TMEM233: variants seen among roughly 807,000 people sequenced by gnomAD.
The protein encoded by TMEM233 is dispanin subfamily B member 2.
TMEM233 carries 6 observed loss-of-function variants against 11.2 expected under a neutral mutation model. That is an observed-to-expected ratio of 0.54 (90% CI 0.29 to 1.06). The LOEUF is 1.06. Ranked by LOEUF, TMEM233 falls within the 50% of genes least tolerant of loss-of-function variation. The pLI, the probability that TMEM233 is intolerant of heterozygous loss-of-function variation, is 0.08. For synonymous variants in TMEM233, 59 were observed against 55.8 expected (o/e 1.06, Z -0.26); for missense variants, 127 against 144.7 (o/e 0.88, Z 0.63).
At position 119,594,936 on chromosome 12, in the gene TMEM233, G is replaced by A. The variant is rs1393744909; in HGVS notation, c.186+902G>A. 6.6e-5 allele frequency among the ~76,000 whole-genome samples: 10 copies of A among 152,134 alleles called. No individual in the cohort carries two copies. The highest frequency in any genetic ancestry group is 2.4e-4 in the African/African-American group (10 of 41,442). On this transcript the variant is annotated intron_variant, in intron 1 of 2. Coordinates refer to ENST00000426426, the MANE Select transcript of TMEM233 (RefSeq NM_001136534.3). The surrounding 1 kb of genome is among the most constrained non-coding windows in gnomAD (Gnocchi z 5.6). ...CTCCCAGGCGCCCCTCCACCGCTCT[G>A]TCCTGCGCCCGGGGCTCTCCCGGGA... is the stretch of plus-strand genomic sequence containing the variant.
intron 1 of TMEM233, among the ~76,000 whole-genome samples, chr12:119,612,831 G>C (rs1954431034): frequency 6.6e-6 from 1 of 151,780 alleles, no homozygotes; most frequent in Admixed American, 6.6e-5. Context: ...GAGGTGGGAG[G>C]ATCACTAGAG....
chr12:119,626,763 C>T (rs1005661941), intron 1 of TMEM233, among the ~76,000 whole-genome samples: 2 of 152,148 alleles, frequency 1.3e-5, no homozygotes, highest in African/African-American at 4.8e-5. Flanking sequence ...CTCTTCTTTG[C>T]CTGGCAGTGT....
intron 1 of TMEM233, among the ~76,000 whole-genome samples, chr12:119,603,877 T>C (rs1954215374): frequency 6.6e-6 from 1 of 152,242 alleles, no homozygotes; most frequent in Admixed American, 6.5e-5. Context: ...GAGGGTTTGC[T>C]TCCCTTCCCC....
Position 119,601,929 on chromosome 12 carries a change from G to A in TMEM233, c.186+7895G>A, listed in dbSNP as rs34835253. Among the ~76,000 whole-genome samples the A allele has an allele frequency of 1.7e-3, 256 of 152,278 alleles. 1 individual carries two copies. Among genetic ancestry groups the A allele is most frequent in the Middle Eastern group, 3.4e-3 (1 of 294 alleles). ...GGATTCAACATAGAAAAGAGACAGA[G>A]AAATGCTCCTGAAAACAAGGCAACC... On this transcript the variant is annotated intron_variant, in intron 1 of 2. Transcript: ENST00000426426.
At chr12:119,634,477 G>A (rs1384199935) in intron 2 of TMEM233, among the ~76,000 whole-genome samples, 2 of 152,028 alleles carry the variant, frequency 1.3e-5, no homozygotes, top group African/African-American at 4.8e-5. Context: ...GCTGGGTTTG[G>A]TGGCGCATAC....
At position 119,594,432 on chromosome 12, in the gene TMEM233, C is replaced by T. The variant is rs962357140; in HGVS notation, c.186+398C>T. The T allele has an allele frequency of 5.2e-6, 1 of 190,908 alleles. No individual in the cohort carries two copies. Among genetic ancestry groups the T allele is most frequent in the Non-Finnish European group, 1.1e-5 (1 of 92,284 alleles). 11.8% of individuals were successfully genotyped at this position (190,908 alleles called of 1,614,324 possible). On this transcript the variant is annotated intron_variant, in intron 1 of 2. Coordinates refer to ENST00000426426, the MANE Select transcript of TMEM233 (RefSeq NM_001136534.3). The surrounding 1 kb of genome is among the most constrained non-coding windows in gnomAD (Gnocchi z 5.6). ...CCCCAGTGCGCGCCACCCTAGCGAG[C>T]GCAGTAAGCTCATACCCCGAGCATG... is the stretch of plus-strand genomic sequence containing the variant.
At chr12:119,645,855 C>T (rs767063229), downstream of TMEM233, among the ~76,000 whole-genome samples, 37 of 152,044 alleles carry the variant, frequency 2.4e-4, no homozygotes, top group African/African-American at 8.7e-4. Context: ...CCCCAGGTCA[C>T]GTGGAATCCC....
At chr12:119,630,540 G>C (rs957109836) in intron 2 of TMEM233, among the ~76,000 whole-genome samples, 3 of 152,246 alleles carry the variant, frequency 2.0e-5, no homozygotes, top group Non-Finnish European at 4.4e-5. Context: ...ATATAGAAAT[G>C]AACAGGCGTG....
At chr12:119,627,166 A>G (rs1342673785) in intron 1 of TMEM233, among the ~76,000 whole-genome samples, 1 of 152,222 alleles carries the variant, frequency 6.6e-6, no homozygotes. Context: ...ATGGAGATGA[A>G]AAATTCAGCC....
chr12:119,648,453 C>G, the TMEM233 span, among the ~76,000 whole-genome samples: 1 of 152,210 alleles, frequency 6.6e-6, no homozygotes, highest in Non-Finnish European at 1.5e-5. Flanking sequence ...CTAATGTCCA[C>G]TCCTTTATCT....
chr12:119,636,021 G>C (rs1220017347), intron 2 of TMEM233, among the ~76,000 whole-genome samples: 2 of 152,122 alleles, frequency 1.3e-5, no homozygotes, highest in Non-Finnish European at 2.9e-5. Context: ...TCATTACATA[G>C]GCATGACCAA....
intron 2 of TMEM233, among the ~76,000 whole-genome samples, chr12:119,640,342 G>A (rs1345660824): frequency 1.2e-4 from 19 of 152,064 alleles, no homozygotes; most frequent in Admixed American, 1.2e-3. Flanking sequence ...ATTTTTAGTA[G>A]AGATGCAGTT....
chr12:119,596,873 G>C (rs1954059956), intron 1 of TMEM233, among the ~76,000 whole-genome samples: 1 of 152,190 alleles, frequency 6.6e-6, no homozygotes, highest in African/African-American at 2.4e-5. Flanking sequence ...GAGCAAAACT[G>C]TTGTAAGGAT....
Position 119,595,031 on chromosome 12 carries a change from G to A in TMEM233, c.186+997G>A, listed in dbSNP as rs565710331. 1.9e-4 allele frequency among the ~76,000 whole-genome samples: 29 copies of A among 152,322 alleles called. No individual in the cohort carries two copies. The South Asian group carries it at 3.5e-3, about 19-fold the overall frequency. Reference sequence around the variant, plus strand: ...TGCGCTCAGACCTCCCGAGCTGCCCGCCTCTCTAGGAGTGGCCGCTGGGGC... The same window carrying A: ...TGCGCTCAGACCTCCCGAGCTGCCCACCTCTCTAGGAGTGGCCGCTGGGGC... On this transcript the variant is annotated intron_variant, in intron 1 of 2. Coordinates refer to ENST00000426426, the MANE Select transcript of TMEM233 (RefSeq NM_001136534.3). This position sits in a 1 kb window ranked among gnomAD's most constrained non-coding sequence, Gnocchi z 4.3.
At chr12:119,630,586 G>C (rs1382621406) in intron 2 of TMEM233, among the ~76,000 whole-genome samples, 1 of 152,224 alleles carries the variant, frequency 6.6e-6, no homozygotes, top group Non-Finnish European at 1.5e-5. Context: ...ACAACAACAG[G>C]CATCTGTCTG....
At chr12:119,631,385 C>A in intron 2 of TMEM233, 1 of 439,268 alleles carries the variant, frequency 2.3e-6, no homozygotes, top group Non-Finnish European at 3.0e-6. Context: ...AGATCCACTT[C>A]CTATCAGAGA....
intron 1 of TMEM233, among the ~76,000 whole-genome samples, chr12:119,626,797 A>G (rs1227088841): frequency 1.3e-5 from 2 of 152,224 alleles, no homozygotes; most frequent in Non-Finnish European, 2.9e-5. Flanking sequence ...GACCTCAAAG[A>G]TGCCCTCAAA....
chr12:119,649,849 A>T, the TMEM233 span, among the ~76,000 whole-genome samples: 1 of 86,768 alleles, frequency 1.2e-5, no homozygotes, highest in African/African-American at 4.6e-5. Flanking sequence ...TAGTTGTTTA[A>T]CTATTAAAAA....
chr12:119,607,603 A>T (rs1379421737), intron 1 of TMEM233, among the ~76,000 whole-genome samples: 1 of 145,510 alleles, frequency 6.9e-6, no homozygotes, highest in Non-Finnish European at 1.5e-5. Context: ...ATTAGATGCA[A>T]TTTTTTTTTT....
Sources: allele counts gnomAD v4.1 joint callset (sites outside exome capture counted in the v4.1 genomes callset), GRCh38; gene constraint gnomAD v4.1.1; non-coding constraint Gnocchi (gnomAD v3.1); transcripts MANE v1.5; gene names NCBI Gene and HGNC (gene_info 2026-07-23, HGNC 2026-07-21).